Variants in RAB38 observed in about 807,000 individuals in gnomAD.
The protein encoded by RAB38 is RAB38, member RAS oncogene family, also known as ras-related protein Rab-38.
A neutral mutation model predicts 18.4 loss-of-function variants in RAB38; 15 were observed. The ratio of observed to expected loss-of-function variants is 0.82; its 90% confidence interval spans 0.55 to 1.26. The LOEUF is 1.26. Ranked by LOEUF, RAB38 falls within the 50% of genes most tolerant of loss-of-function variation. RAB38 has a pLI of 0.00. For missense variants in RAB38, 294 were observed against 267.4 expected (o/e 1.10, Z -0.69); for synonymous variants, 101 against 104.4 (o/e 0.97, Z 0.20).
the RAB38 span, among the ~76,000 whole-genome samples, chr11:87,880,499 T>C: frequency 2.9e-3 from 443 of 151,940 alleles, 3 homozygotes; most frequent in Non-Finnish European, 5.1e-3. Flanking sequence ...AGAAATCACA[T>C]TGTGCTATGT....
chr11:88,092,045 T>C, the RAB38 span, among the ~76,000 whole-genome samples: 2 of 151,874 alleles, frequency 1.3e-5, no homozygotes, highest in Non-Finnish European at 2.9e-5. Flanking sequence ...ATGACATTTG[T>C]AAACTGTCAT....
chr11:88,008,712 C>T, the RAB38 span, among the ~76,000 whole-genome samples: 196 of 152,318 alleles, frequency 1.3e-3, 1 homozygote, highest in African/African-American at 4.4e-3. Flanking sequence ...CTCGCTCTGT[C>T]GCCCAGGCTG....
At chr11:87,894,611 T>G in the RAB38 span, among the ~76,000 whole-genome samples, 1 of 151,564 alleles carries the variant, frequency 6.6e-6, no homozygotes, top group African/African-American at 2.4e-5. Flanking sequence ...TCTTAGCTGA[T>G]AGTGATGATA....
chr11:87,973,129 C>A, the RAB38 span, among the ~76,000 whole-genome samples: 2 of 151,952 alleles, frequency 1.3e-5, no homozygotes, highest in African/African-American at 4.8e-5. Flanking sequence ...ATTACCCAGT[C>A]TCAGGTATTT....
At chr11:88,169,477 T>C (rs1446188466) in intron 1 of RAB38, among the ~76,000 whole-genome samples, 5 of 152,138 alleles carry the variant, frequency 3.3e-5, no homozygotes, top group Non-Finnish European at 7.4e-5. Flanking sequence ...TGAGATATTG[T>C]AGAGGAGATG....
downstream of RAB38, among the ~76,000 whole-genome samples, chr11:88,110,086 C>A (rs1028981956): frequency 6.6e-6 from 1 of 152,156 alleles, no homozygotes; most frequent in South Asian, 2.1e-4. Context: ...TATTGCAGCA[C>A]TATTCCCAAT....
the RAB38 span, among the ~76,000 whole-genome samples, chr11:87,973,669 C>T: frequency 0.15 from 23,185 of 151,868 alleles, 1,884 homozygotes; most frequent in Non-Finnish European, 0.18. Context: ...CTTTACCCAA[C>T]GAGACCTCAT....
chr11:88,012,433 C>T, the RAB38 span, among the ~76,000 whole-genome samples: 1 of 151,974 alleles, frequency 6.6e-6, no homozygotes, highest in Non-Finnish European at 1.5e-5. Context: ...GAACCAAGCA[C>T]GGAAGGAGTA....
At chr11:87,940,781 C>T in the RAB38 span, among the ~76,000 whole-genome samples, 1 of 151,944 alleles carries the variant, frequency 6.6e-6, no homozygotes, top group African/African-American at 2.4e-5. Flanking sequence ...TACAGGTGCA[C>T]ACCACTACGT....
intron 2 of RAB38, among the ~76,000 whole-genome samples, chr11:88,140,831 G>A (rs1448511287): frequency 6.6e-6 from 1 of 152,140 alleles, no homozygotes; most frequent in Non-Finnish European, 1.5e-5. Flanking sequence ...GTGTGACCTG[G>A]TTATATGGTG....
the RAB38 span, among the ~76,000 whole-genome samples, chr11:87,977,746 A>G: frequency 0.2 from 2,499 of 12,560 alleles, 43 homozygotes; most frequent in Admixed American, 0.3. Context: ...TATATATTCT[A>G]TAATATATAT....
chr11:88,015,393 C>T, the RAB38 span, among the ~76,000 whole-genome samples: 6 of 152,098 alleles, frequency 3.9e-5, no homozygotes, highest in Non-Finnish European at 8.8e-5. Context: ...ACTGACTACT[C>T]ATTGTAACCT....
chr11:88,036,863 A>G, the RAB38 span, among the ~76,000 whole-genome samples: 6 of 152,034 alleles, frequency 3.9e-5, no homozygotes, highest in Admixed American at 2.6e-4. Context: ...GTGATGATGT[A>G]TTATTTCCTT....
chr11:88,157,573 T>C (rs912640259), intron 1 of RAB38, among the ~76,000 whole-genome samples: 3 of 152,108 alleles, frequency 2.0e-5, no homozygotes, highest in African/African-American at 7.2e-5. Context: ...CATAGAAAGA[T>C]TGAACACATG....
chr11:88,088,629 T>G, the RAB38 span, among the ~76,000 whole-genome samples: 1,260 of 151,960 alleles, frequency 8.3e-3, 18 homozygotes, highest in African/African-American at 0.029. Context: ...CATGGTGAGG[T>G]GTGTCTGACC....
chr11:87,840,999 C>T, the RAB38 span, among the ~76,000 whole-genome samples: 1 of 152,196 alleles, frequency 6.6e-6, no homozygotes, highest in Non-Finnish European at 1.5e-5. Flanking sequence ...CAAATTCCAT[C>T]ATTCCTGGCC....
chr11:87,804,446 C>T, the RAB38 span, among the ~76,000 whole-genome samples: 1 of 152,166 alleles, frequency 6.6e-6, no homozygotes, highest in Non-Finnish European at 1.5e-5. Flanking sequence ...GTCAACAGCC[C>T]ACATTCTGCC....
At chr11:87,852,532 G>C in the RAB38 span, among the ~76,000 whole-genome samples, 2 of 152,074 alleles carry the variant, frequency 1.3e-5, no homozygotes, top group South Asian at 4.1e-4. Flanking sequence ...TCTCGATACT[G>C]ATCTAGTAAA....
At chr11:87,937,880 T>TG in the RAB38 span, among the ~76,000 whole-genome samples, 7 of 151,326 alleles carry the variant, frequency 4.6e-5, no homozygotes, top group Non-Finnish European at 8.9e-5. Flanking sequence ...GTTTTTTTTT[T>TG]TTTTTTTTTT....
Sources: allele counts gnomAD v4.1 joint callset (sites outside exome capture counted in the v4.1 genomes callset), GRCh38; gene constraint gnomAD v4.1.1; transcripts MANE v1.5; gene names NCBI Gene and HGNC (gene_info 2026-07-23, HGNC 2026-07-21).